UPP2: variants seen among roughly 807,000 people sequenced by gnomAD.
UPP2 encodes the protein UPase 2.
In UPP2, 23 loss-of-function variants were observed where a neutral mutation model predicts 26.7. The ratio of observed to expected loss-of-function variants is 0.86; its 90% CI spans 0.62 to 1.22. The LOEUF (loss-of-function observed/expected upper bound fraction) is 1.22, where lower values mean the gene tolerates loss of function less well. Ranked by LOEUF, UPP2 falls within the 50% of genes most tolerant of loss-of-function variation. The probability of loss-of-function intolerance (pLI) is 0.00; values close to 1 mark genes in which losing one functional copy is unlikely to be tolerated. For missense variants in UPP2, 387 were observed against 396.7 expected (o/e 0.98, Z 0.21); for synonymous variants, 127 against 141.3 (o/e 0.90, Z 0.72).
chr2:158,042,392 ATG>A (rs1185874279), intron 3 of UPP2, among the ~76,000 whole-genome samples: 1 of 152,128 alleles, frequency 6.6e-6, no homozygotes, highest in Non-Finnish European at 1.5e-5. Context: ...AAGTTGTCTG[ATG>A]TGTGTCATGA....
intron 2 of UPP2, among the ~76,000 whole-genome samples, chr2:158,111,831 T>C (rs578240776): frequency 3.2e-4 from 49 of 152,298 alleles, no homozygotes; most frequent in Admixed American, 3.1e-3. Context: ...AATCTACTTT[T>C]AATCAATGTT....
intron 6 of UPP2, among the ~76,000 whole-genome samples, chr2:158,129,621 C>T (rs1015249120): frequency 1.1e-4 from 16 of 151,856 alleles, no homozygotes; most frequent in Admixed American, 3.3e-4. Flanking sequence ...ATTCATCTAT[C>T]GAAAGATGAC....
chr2:157,996,622 G>C (rs912682482), intron 2 of UPP2, among the ~76,000 whole-genome samples: 1 of 152,140 alleles, frequency 6.6e-6, no homozygotes, highest in Non-Finnish European at 1.5e-5. Context: ...GAGCTTTCTA[G>C]AATTAGAGAA....
intron 3 of UPP2, among the ~76,000 whole-genome samples, chr2:158,058,216 C>T (rs1429194914): frequency 6.6e-6 from 1 of 150,512 alleles, no homozygotes; most frequent in Non-Finnish European, 1.5e-5. Context: ...TGGCATGAAC[C>T]CAGGAGGTGG....
intron 6 of UPP2, among the ~76,000 whole-genome samples, chr2:158,124,538 G>A (rs1351246023): frequency 3.9e-5 from 6 of 152,192 alleles, no homozygotes; most frequent in Admixed American, 6.5e-5. Flanking sequence ...TCTGACCTGT[G>A]TGTTAACAGA....
intron 3 of UPP2, among the ~76,000 whole-genome samples, chr2:158,068,180 G>A (rs1682467657): frequency 6.6e-6 from 1 of 152,128 alleles, no homozygotes. Flanking sequence ...CTCATCTGTT[G>A]GAAAGTAATG....
chr2:158,058,264 G>C (rs1230029718), intron 3 of UPP2, among the ~76,000 whole-genome samples: 8 of 144,858 alleles, frequency 5.5e-5, no homozygotes, highest in Non-Finnish European at 1.2e-4. Context: ...CTGCATGCCA[G>C]CCTGGGCGAC....
chr2:158,077,699 T>C (rs1408586141), intron 3 of UPP2, among the ~76,000 whole-genome samples: 2 of 151,812 alleles, frequency 1.3e-5, no homozygotes, highest in African/African-American at 4.8e-5. Context: ...AAGAAAACAT[T>C]GGGAAACATT....
At chr2:158,071,504 T>C (rs1021751325) in intron 3 of UPP2, among the ~76,000 whole-genome samples, 2 of 132,084 alleles carry the variant, frequency 1.5e-5, no homozygotes, top group African/African-American at 5.9e-5. Flanking sequence ...TGAACCTAGA[T>C]CATGGTATTG....
At chr2:158,013,270 A>G (rs1683608783) in intron 2 of UPP2, among the ~76,000 whole-genome samples, 1 of 152,192 alleles carries the variant, frequency 6.6e-6, no homozygotes, top group Non-Finnish European at 1.5e-5. Flanking sequence ...TGCTGGCATT[A>G]CAGGCATGAG....
chr2:158,073,464 G>T (rs796712260), intron 3 of UPP2, among the ~76,000 whole-genome samples: 45 of 152,210 alleles, frequency 3.0e-4, no homozygotes, highest in African/African-American at 1.1e-3. Flanking sequence ...TGTAGAGAAA[G>T]ATATCAGCAT....
At chr2:158,087,780 G>A (rs941331234) in intron 3 of UPP2, among the ~76,000 whole-genome samples, 2 of 152,060 alleles carry the variant, frequency 1.3e-5, no homozygotes, top group African/African-American at 2.4e-5. Flanking sequence ...CAAAATTCTT[G>A]GCTGATAATT....
intron 3 of UPP2, among the ~76,000 whole-genome samples, chr2:158,021,129 G>A (rs772774660): frequency 5.9e-5 from 9 of 152,124 alleles, no homozygotes; most frequent in Non-Finnish European, 1.2e-4. Context: ...GATTACAGAG[G>A]AAACTGTATC....
intron 3 of UPP2, among the ~76,000 whole-genome samples, chr2:158,088,806 G>A (rs552719238): frequency 2.6e-5 from 4 of 152,204 alleles, no homozygotes; most frequent in Non-Finnish European, 5.9e-5. Context: ...ACTGGCGAGT[G>A]TCCGCACAGA....
In UPP2 at chr2:158,001,646, C is replaced by A. The variant is rs951477629; in HGVS notation, c.61+6387C>A. On this transcript the variant is annotated intron_variant, in intron 2 of 9. Coordinates refer to the UPP2 transcript ENST00000605860. ...AACAACTGGGAAACATCAAGCACGC[C>A]CTAGATCTTGGTCTTATTTTTTTCC... Among the ~76,000 whole-genome samples the A allele has an allele frequency of 4.6e-5, 7 of 152,136 alleles. No homozygotes were observed. In the South Asian group the frequency reaches 6.2e-4, roughly 14 times the overall value.
intron 1 of UPP2, among the ~76,000 whole-genome samples, chr2:158,102,623 G>T (rs1435022222): frequency 2.0e-5 from 3 of 152,194 alleles, no homozygotes; most frequent in African/African-American, 7.2e-5. Context: ...CTCATGGGTA[G>T]ATATAAAATT....
chr2:158,090,755 A>G lies in UPP2; in HGVS notation c.148-11285A>G, dbSNP rs535411210. 2.7e-4 allele frequency among the ~76,000 whole-genome samples: 41 copies of G among 152,334 alleles called. No homozygotes were observed. The South Asian group carries it at 8.3e-3, about 31-fold the overall frequency. The stretch of plus-strand genomic sequence containing the variant: ...CTAGCATGGGTTAGCTTTAAGGAAT[A>G]AAAGAGATAACCCCCAAGTTTTAGA... On this transcript the variant is annotated intron_variant, in intron 3 of 9. Transcript: ENST00000605860.
intron 3 of UPP2, among the ~76,000 whole-genome samples, chr2:158,079,155 G>C (rs1223894250): frequency 1.3e-5 from 2 of 152,088 alleles, no homozygotes; most frequent in Non-Finnish European, 2.9e-5. Context: ...CAGCCATGTG[G>C]AACTGTGAGT....
chr2:158,094,688 A>G (rs1486753685), intron 3 of UPP2, among the ~76,000 whole-genome samples: 2 of 152,200 alleles, frequency 1.3e-5, no homozygotes, highest in African/African-American at 4.8e-5. Context: ...TTGAAATTTC[A>G]TGACTTTGGG....
Sources: gnomAD v4.1 joint callset for allele counts (sites outside exome capture counted in the v4.1 genomes callset) on GRCh38, gnomAD v4.1.1 for gene constraint, MANE v1.5 for transcripts, NCBI Gene and HGNC (gene_info 2026-07-23, HGNC 2026-07-21) for gene names.